ENDOD1: variants seen among roughly 807,000 people sequenced by gnomAD.
The protein encoded by ENDOD1 is endonuclease domain containing 1.
A neutral mutation model predicts 6.5 loss-of-function variants in ENDOD1; 9 were observed. The ratio of observed to expected loss-of-function variants is 1.39; its 90% confidence interval spans 0.84 to 2.43. The LOEUF (loss-of-function observed/expected upper bound fraction) is 2.43. Among genes scored for constraint, ENDOD1 ranks in the 30% most tolerant of loss-of-function variants. The pLI is 0.00. For missense variants in ENDOD1, 648 were observed against 635.5 expected (o/e 1.02, Z -0.21); for synonymous variants, 255 against 255.2 (o/e 1.00, Z 0.01).
chr11:95,092,995 A>G (rs889405684), intron 1 of ENDOD1, among the ~76,000 whole-genome samples: 9 of 152,246 alleles, frequency 5.9e-5, no homozygotes, highest in Non-Finnish European at 1.3e-4. Context: ...GTGATGAGTC[A>G]GGCAGGGCAG....
chr11:95,095,560 G>A lies in ENDOD1; in HGVS notation c.300+5333G>A, dbSNP rs139364616. On this transcript the variant is annotated intron_variant, in intron 1 of 1. Transcript: ENST00000278505. ...TTGGCAGAATATTTCAGGGACATCT[G>A]TCCTGAAGCAGTCCAGTGGTGACAA... Among the ~76,000 whole-genome samples, 288 of 152,298 alleles carry A rather than the reference G, an allele frequency of 1.9e-3. 9 individuals are homozygous for A. The East Asian group carries it at 0.046, about 24-fold the overall frequency.
In ENDOD1 at chr11:95,131,501, A is replaced by C. The variant is rs1859370600; in HGVS notation, c.*1922A>C. On this transcript the variant is annotated 3_prime_UTR_variant, in exon 2 of 2. Transcript: ENST00000278505. ...CTAGCTGAGAGCAGATTAGGAGCCA[A>C]CGTTGTTTGCACATGTCCCATCACA... 6.6e-6 allele frequency: 1 copy of C among 152,240 alleles called. No homozygotes were observed. The highest frequency in any genetic ancestry group is 6.5e-5 in the Admixed American group (1 of 15,290). 9.4% of individuals were successfully genotyped at this position (152,240 alleles called of 1,614,324 possible).
At chr11:95,123,121 G>A (rs920315129) in intron 1 of ENDOD1, among the ~76,000 whole-genome samples, 1 of 151,900 alleles carries the variant, frequency 6.6e-6, no homozygotes, top group Non-Finnish European at 1.5e-5. Flanking sequence ...CCCGGTAGGC[G>A]GAGGTTGCAG....
chr11:95,112,249 C>T (rs1859158514), intron 1 of ENDOD1, among the ~76,000 whole-genome samples: 1 of 152,232 alleles, frequency 6.6e-6, no homozygotes, highest in African/African-American at 2.4e-5. Context: ...GTTCCTTTAT[C>T]CTCCTGTTCT....
At chr11:95,091,581 T>A (rs1858931774) in intron 1 of ENDOD1, among the ~76,000 whole-genome samples, 1 of 152,236 alleles carries the variant, frequency 6.6e-6, no homozygotes, top group African/African-American at 2.4e-5. Flanking sequence ...ATTGTGTGCC[T>A]GCGAAGAAAA....
intron 1 of ENDOD1, among the ~76,000 whole-genome samples, chr11:95,105,321 C>A (rs1465008554): frequency 1.3e-5 from 2 of 152,214 alleles, no homozygotes; most frequent in East Asian, 1.9e-4. Context: ...AACTTAGGCA[C>A]ATCTACTTGT....
rs563479563 is a variant in ENDOD1, at chr11:95,127,913, C to A, written c.301-464C>A. On this transcript the variant is annotated intron_variant, in intron 1 of 1. Coordinates refer to ENST00000278505, the MANE Select transcript of ENDOD1 (RefSeq NM_015036.3). ...TAGCTGGGATTACAGGCACCCATCA[C>A]CACATCTAGCTAATTTTTGTATTTT... Among the ~76,000 whole-genome samples, 4 of 152,290 alleles carry A rather than the reference C, an allele frequency of 2.6e-5. No homozygotes were observed. The South Asian group carries it at 8.3e-4, about 32-fold the overall frequency.
chr11:95,099,536 CCTT>C (rs1565443980), intron 1 of ENDOD1, among the ~76,000 whole-genome samples: 1 of 152,218 alleles, frequency 6.6e-6, no homozygotes, highest in Non-Finnish European at 1.5e-5. Context: ...TTCAGGAGCT[CCTT>C]CTCTGCAGCC....
intron 1 of ENDOD1, among the ~76,000 whole-genome samples, chr11:95,096,934 G>A (rs1276154167): frequency 6.6e-6 from 1 of 152,134 alleles, no homozygotes; most frequent in Non-Finnish European, 1.5e-5. Flanking sequence ...AGGCCAAGGC[G>A]GTCTGATCAT....
chr11:95,102,962 G>A (rs1555111048), intron 1 of ENDOD1, among the ~76,000 whole-genome samples: 1 of 152,154 alleles, frequency 6.6e-6, no homozygotes, highest in African/African-American at 2.4e-5. Context: ...ATGTCTCTCA[G>A]ACTCCAATTC....
chr11:95,127,233 A>G (rs679686), intron 1 of ENDOD1, among the ~76,000 whole-genome samples: 4,602 of 152,316 alleles, frequency 0.03, 91 homozygotes, highest in Non-Finnish European at 0.044. Context: ...GGATAATGAC[A>G]TAATCCTAAA....
intron 1 of ENDOD1, among the ~76,000 whole-genome samples, chr11:95,115,287 G>T (rs1277426624): frequency 6.6e-6 from 1 of 150,992 alleles, no homozygotes; most frequent in African/African-American, 2.4e-5. Context: ...TCCTTTTTCT[G>T]ATTATTCGCT....
chr11:95,129,455 G>A lies in ENDOD1; in HGVS notation c.1379G>A (p.Gly460Asp), dbSNP rs775124919. 6.2e-7 allele frequency: 1 copy of A among 1,614,190 alleles called. No homozygotes were observed. The highest frequency in any genetic ancestry group is 1.7e-5 in the Admixed American group (1 of 60,028). ...TGCAAGGACATTGCACTGGGCCTTG[G>A]TGGCACTGTCTCACTGCTCTTTGAC... ...IVCKDIALGL[G>D]GTVSLLFDTA... Residue 460 changes from glycine (G) to aspartate (D), a missense_variant, in exon 2 of 2, where the codon GGT becomes GAT. Gly to Asp is a moderately conservative substitution (Grantham distance 94, BLOSUM62 -1). Transcript: ENST00000278505.
rs920611514 is a variant in ENDOD1 at position 95,129,086 on chromosome 11, C to A, written c.1010C>A (p.Thr337Asn). 12 of 1,613,938 alleles carry A rather than the reference C, an allele frequency of 7.4e-6. No individual in the cohort carries two copies. Among genetic ancestry groups the A allele is most frequent in the Non-Finnish European group, 7.6e-6 (9 of 1,180,034 alleles). ...FLGKLMGFIA[T>N]PFIKLFQLIY... ...GGAAAACTCATGGGCTTCATTGCTACCCCATTCATCAAGCTTTTTCAATTA... is the reference window on the plus strand; with the variant it reads ...GGAAAACTCATGGGCTTCATTGCTAACCCATTCATCAAGCTTTTTCAATTA... The change falls in exon 2 of 2, where the codon ACC becomes AAC. Residue 337 changes from threonine to asparagine, a missense_variant. By Grantham distance (65) the Thr-to-Asn change is moderately conservative. Coordinates refer to ENST00000278505, the MANE Select transcript of ENDOD1 (RefSeq NM_015036.3).
At chr11:95,097,814 A>G (rs1430495997) in intron 1 of ENDOD1, among the ~76,000 whole-genome samples, 1 of 152,162 alleles carries the variant, frequency 6.6e-6, no homozygotes, top group South Asian at 2.1e-4. Flanking sequence ...GATGACTCCA[A>G]GGGTTTGGGC....
chr11:95,128,391 C>A lies in ENDOD1; in HGVS notation c.315C>A (p.Asn105Lys). 6.2e-7 allele frequency: 1 copy of A among 1,613,146 alleles called. No homozygotes were observed. Among genetic ancestry groups the A allele is most frequent in the Non-Finnish European group, 8.5e-7 (1 of 1,179,438 alleles). The change falls in exon 2 of 2, where the codon AAC becomes AAA. Residue 105 changes from asparagine (N) to lysine (K), a missense_variant. Coordinates refer to ENST00000278505, the MANE Select transcript of ENDOD1 (RefSeq NM_015036.3). The stretch of plus-strand genomic sequence containing the variant: ...TCTTCTTGCAGATCGATGACCCCAA[C>A]AGCAACCTTGAGGAGGCGATTAATG... ...WLVEPQIDDP[N>K]SNLEEAINEA...
chr11:95,091,040 C>T (rs1858926132), intron 1 of ENDOD1, among the ~76,000 whole-genome samples: 1 of 152,222 alleles, frequency 6.6e-6, no homozygotes, highest in African/African-American at 2.4e-5. Flanking sequence ...TGTCACCTCT[C>T]ATGGTGTTCT....
intron 1 of ENDOD1, among the ~76,000 whole-genome samples, chr11:95,096,437 G>A (rs941476411): frequency 4.6e-5 from 7 of 151,934 alleles, no homozygotes; most frequent in African/African-American, 1.5e-4. Flanking sequence ...TAGAAGCACC[G>A]TTTAATATTC....
intron 1 of ENDOD1, among the ~76,000 whole-genome samples, chr11:95,118,868 CTT>C (rs1428709451): frequency 1.3e-5 from 2 of 152,034 alleles, no homozygotes; most frequent in Non-Finnish European, 2.9e-5. Context: ...TCTTTTGTCT[CTT>C]GTTACTATGT....
Sources: gnomAD v4.1 joint callset for allele counts (sites outside exome capture counted in the v4.1 genomes callset) on GRCh38, gnomAD v4.1.1 for gene constraint, MANE v1.5 for transcripts, NCBI Gene and HGNC (gene_info 2026-07-23, HGNC 2026-07-21) for gene names.